The following TIAM2 variants were observed in gnomAD, a reference collection of about 807,000 sequenced individuals.
The protein encoded by TIAM2 is rho guanine nucleotide exchange factor TIAM2.
Under a neutral mutation model 152.9 loss-of-function variants are expected in TIAM2, and 80 were observed. That is an observed-to-expected ratio of 0.52 (90% confidence interval 0.44 to 0.63). TIAM2 has a LOEUF of 0.63. TIAM2 is among the 30% of genes least tolerant of loss of function. The pLI, the probability that TIAM2 is intolerant of heterozygous loss-of-function variation, is 0.00. For missense variants in TIAM2, 1,965 were observed against 2,120.1 expected (o/e 0.93, Z 1.44); for synonymous variants, 804 against 838.0 (o/e 0.96, Z 0.70).
intron 4 of TIAM2, among the ~76,000 whole-genome samples, chr6:155,134,390 T>A: frequency 1.2e-5 from 1 of 80,276 alleles, no homozygotes; most frequent in Admixed American, 1.7e-4. Flanking sequence ...CTAAAATGCA[T>A]CCCCCCACCC....
Position 155,123,492 on chromosome 6 carries a change from C to A in TIAM2, c.-117-3998C>A, listed in dbSNP as rs752546162. ...CAGGTGCTAGGCCTTGAGTGCACAGCATCCAGTAGAGGATGGGGGTCTCCT... is the reference window on the plus strand; with the variant it reads ...CAGGTGCTAGGCCTTGAGTGCACAGAATCCAGTAGAGGATGGGGGTCTCCT... On this transcript the variant is annotated intron_variant, in intron 2 of 26. Transcript: ENST00000682666. Among the ~76,000 whole-genome samples, 17 of 152,302 alleles carry A rather than the reference C, an allele frequency of 1.1e-4. No homozygotes were observed. In the South Asian group the frequency reaches 2.9e-3, roughly 26 times the overall value.
chr6:155,187,611 C>CTTTTT (rs1781079830), intron 14 of TIAM2, among the ~76,000 whole-genome samples: 5 of 79,666 alleles, frequency 6.3e-5, no homozygotes, highest in African/African-American at 1.4e-4. Flanking sequence ...TGAAGTTTTG[C>CTTTTT]TCTTGTTGCC....
chr6:155,010,966 C>G (rs1255503808), intron 1 of TIAM2, among the ~76,000 whole-genome samples: 3 of 151,890 alleles, frequency 2.0e-5, no homozygotes. Context: ...ATCGCTTGAA[C>G]CCGGGAGGCG....
rs777581812 is a variant in TIAM2 at position 155,214,001 on chromosome 6, G to A, written c.3168+2694G>A. On this transcript the variant is annotated intron_variant, in intron 15 of 26. Coordinates refer to ENST00000682666, the MANE Select transcript of TIAM2 (RefSeq NM_012454.4). The surrounding 1 kb of genome is among the most constrained non-coding windows in gnomAD (Gnocchi z 5.4). ...GCCCCTGAGAGTGCAGAGATGTCTGGGTCCACAGTCGCGGCTACGTGGCTG... is the reference window on the plus strand; with the variant it reads ...GCCCCTGAGAGTGCAGAGATGTCTGAGTCCACAGTCGCGGCTACGTGGCTG... Among the ~76,000 whole-genome samples, 3 of 152,192 alleles carry A rather than the reference G, an allele frequency of 2.0e-5. No homozygotes were observed. Among genetic ancestry groups the A allele is most frequent in the Non-Finnish European group, 2.9e-5 (2 of 68,038 alleles).
At chr6:155,222,332 G>GGT (rs920592719) in intron 15 of TIAM2, among the ~76,000 whole-genome samples, 9 of 150,620 alleles carry the variant, frequency 6.0e-5, no homozygotes, top group Admixed American at 4.6e-4. Context: ...GGGTGGGCGT[G>GGT]GCTCACGCCT....
intron 1 of TIAM2, among the ~76,000 whole-genome samples, chr6:155,077,982 C>T (rs1055663725): frequency 1.3e-5 from 2 of 152,172 alleles, no homozygotes; most frequent in African/African-American, 4.8e-5. Context: ...TTAATCCTTG[C>T]TCAATATTGA....
At chr6:155,015,478 G>A (rs1189222549) in intron 1 of TIAM2, among the ~76,000 whole-genome samples, 1 of 152,148 alleles carries the variant, frequency 6.6e-6, no homozygotes, top group Non-Finnish European at 1.5e-5. Context: ...AATTGTCAAA[G>A]AAGGATGTGC....
intron 1 of TIAM2, among the ~76,000 whole-genome samples, chr6:155,008,544 T>C (rs995010119): frequency 2.0e-5 from 3 of 152,170 alleles, no homozygotes; most frequent in African/African-American, 7.2e-5. Flanking sequence ...GTCTCTTTGG[T>C]ACTCACTGGT....
At chr6:155,060,859 C>T (rs985588310) in intron 1 of TIAM2, among the ~76,000 whole-genome samples, 4 of 152,324 alleles carry the variant, frequency 2.6e-5, no homozygotes, top group East Asian at 1.9e-4. Flanking sequence ...CGTGCCATTG[C>T]GCTCCAGCAT....
At chr6:155,078,653 A>G (rs1778003496) in intron 1 of TIAM2, among the ~76,000 whole-genome samples, 1 of 151,142 alleles carries the variant, frequency 6.6e-6, no homozygotes. Flanking sequence ...CTCTGTCTGA[A>G]CTCCCACCCA....
At chr6:155,008,059 A>G (rs1017627546) in intron 1 of TIAM2, among the ~76,000 whole-genome samples, 6 of 152,238 alleles carry the variant, frequency 3.9e-5, no homozygotes, top group African/African-American at 1.4e-4. Context: ...GGACACGTAC[A>G]TATGTAATTG....
intron 1 of TIAM2, among the ~76,000 whole-genome samples, chr6:154,998,750 A>G (rs1778264014): frequency 6.6e-6 from 1 of 152,184 alleles, no homozygotes; most frequent in Non-Finnish European, 1.5e-5. Context: ...TGGGTAAGGA[A>G]ACTGAGTCCC....
In TIAM2 at chr6:155,156,163, C is replaced by T. The variant is rs73575656; in HGVS notation, c.2028+7829C>T. 9.8e-3 allele frequency among the ~76,000 whole-genome samples: 1,489 copies of T among 152,118 alleles called. 13 individuals are homozygous for T. The highest frequency in any genetic ancestry group is 0.021 in the African/African-American group (870 of 41,498). On this transcript the variant is annotated intron_variant, in intron 7 of 26. Transcript: ENST00000682666. This position sits in a 1 kb window ranked among gnomAD's most constrained non-coding sequence, Gnocchi z 4.4. ...GCTTCTTGAAAAATGAGGAGTTTAC[C>T]GGGAGAATAGAGAGGGGTCTTCCAG... is the stretch of plus-strand genomic sequence containing the variant.
At chr6:155,180,099 G>A (rs922100616) in intron 12 of TIAM2, among the ~76,000 whole-genome samples, 7 of 152,136 alleles carry the variant, frequency 4.6e-5, no homozygotes, top group African/African-American at 1.7e-4. Context: ...GACCAACATG[G>A]AGAAACCCCC....
chr6:155,077,224 C>T (rs1583179115), intron 1 of TIAM2, among the ~76,000 whole-genome samples: 1 of 151,218 alleles, frequency 6.6e-6, no homozygotes, highest in East Asian at 1.9e-4. Context: ...TAGGCTTAGC[C>T]TTAGGCTCAG....
chr6:155,033,996 C>T (rs1583161676), intron 1 of TIAM2, among the ~76,000 whole-genome samples: 4 of 151,540 alleles, frequency 2.6e-5, no homozygotes, highest in South Asian at 2.1e-4. Flanking sequence ...GGATTACAGG[C>T]GTGAGCCACC....
chr6:155,223,016 T>C (rs6557409), intron 15 of TIAM2, among the ~76,000 whole-genome samples: 139,458 of 152,244 alleles, frequency 0.92, 64,003 homozygotes, highest in East Asian at 1. Context: ...AGATGCTCTC[T>C]GCTCTTTTAT....
rs3940 is a variant in TIAM2 at position 155,257,622 on chromosome 6, A to G, written c.*501A>G. On this transcript the variant is annotated 3_prime_UTR_variant, in exon 27 of 27. Coordinates refer to ENST00000682666, the MANE Select transcript of TIAM2 (RefSeq NM_012454.4). ...TGCTGTTTATACTAAACATGTCATA[A>G]CTATCTATACAGTATATATTAAAAG... The G allele has an allele frequency of 1.8e-6, 1 of 556,770 alleles. No homozygotes were observed. 34.5% of individuals were successfully genotyped at this position (556,770 alleles called of 1,614,324 possible).
intron 7 of TIAM2, among the ~76,000 whole-genome samples, chr6:155,154,503 C>G (rs1360208777): frequency 2.0e-5 from 3 of 151,292 alleles, no homozygotes; most frequent in African/African-American, 7.3e-5. Context: ...TGGACCAGAT[C>G]ACACCGCCAT....
Sources: allele counts gnomAD v4.1 joint callset (sites outside exome capture counted in the v4.1 genomes callset), GRCh38; gene constraint gnomAD v4.1.1; non-coding constraint Gnocchi (gnomAD v3.1); transcripts MANE v1.5; gene names NCBI Gene and HGNC (gene_info 2026-07-23, HGNC 2026-07-21).